Variants in DLGAP1 observed in about 807,000 individuals in gnomAD.
The protein encoded by DLGAP1 is disks large-associated protein 1.
Under a neutral mutation model 90.8 loss-of-function variants are expected in DLGAP1, and 11 were observed. That is an observed-to-expected ratio of 0.12 (90% CI 0.08 to 0.20). The LOEUF (loss-of-function observed/expected upper bound fraction) is 0.20. DLGAP1 is among the 10% of genes least tolerant of loss of function. The probability of loss-of-function intolerance (pLI) is 1.00; values close to 1 mark genes in which losing one functional copy is unlikely to be tolerated. For synonymous variants in DLGAP1, 558 were observed against 540.7 expected, an observed-to-expected ratio of 1.03 and a Z score of -0.44; for missense variants, 1,050 against 1,333.8, an observed-to-expected ratio of 0.79 and a Z score of 3.31.
At chr18:3,819,771 G>C (rs2067302926) in intron 4 of DLGAP1, among the ~76,000 whole-genome samples, 1 of 152,046 alleles carries the variant, frequency 6.6e-6, no homozygotes, top group African/African-American at 2.4e-5. Flanking sequence ...CCCCCTTCTA[G>C]CATATTCATA....
intron 5 of DLGAP1, among the ~76,000 whole-genome samples, chr18:3,746,677 A>G (rs2063281914): frequency 6.6e-6 from 1 of 152,206 alleles, no homozygotes; most frequent in South Asian, 2.1e-4. Flanking sequence ...AAATAAATAT[A>G]TAAATTCACA....
chr18:4,114,482 T>C (rs1216564160), intron 2 of DLGAP1, among the ~76,000 whole-genome samples: 1 of 152,184 alleles, frequency 6.6e-6, no homozygotes, highest in African/African-American at 2.4e-5. Context: ...TTCACTGAAG[T>C]TGTTTAACAG....
At chr18:3,940,448 C>G (rs564777272) in intron 3 of DLGAP1, among the ~76,000 whole-genome samples, 2 of 152,286 alleles carry the variant, frequency 1.3e-5, no homozygotes, top group South Asian at 2.1e-4. Context: ...TAAATGGACC[C>G]TATTTAAGTC....
At chr18:4,042,057 T>C (rs1226482380) in intron 2 of DLGAP1, among the ~76,000 whole-genome samples, 1 of 152,202 alleles carries the variant, frequency 6.6e-6, no homozygotes, top group African/African-American at 2.4e-5. Flanking sequence ...TTTCTAAGAA[T>C]TGTGTGTTCC....
chr18:4,159,674 A>G (rs1324902239), intron 1 of DLGAP1, among the ~76,000 whole-genome samples: 1 of 152,188 alleles, frequency 6.6e-6, no homozygotes, highest in Non-Finnish European at 1.5e-5. Flanking sequence ...GTAAAAAAAA[A>G]TGAAGTAATG....
intron 1 of DLGAP1, among the ~76,000 whole-genome samples, chr18:4,445,725 C>A (rs888445469): frequency 1.3e-5 from 2 of 151,786 alleles, no homozygotes; most frequent in African/African-American, 2.4e-5. Flanking sequence ...AGCTTAAAAT[C>A]TCAGAATATT....
intron 2 of DLGAP1, among the ~76,000 whole-genome samples, chr18:4,128,473 C>T (rs758766694): frequency 2.4e-4 from 36 of 152,132 alleles, no homozygotes; most frequent in Non-Finnish European, 3.8e-4. Flanking sequence ...GCTGATTCCA[C>T]ACGTGAAAAT....
Position 3,506,252 on chromosome 18 carries a change from G to A in DLGAP1, c.2571+2318C>T, listed in dbSNP as rs375306174. On this transcript the variant is annotated intron_variant, in intron 11 of 12. Coordinates refer to ENST00000315677, the MANE Select transcript of DLGAP1 (RefSeq NM_004746.4). The stretch of plus-strand genomic sequence containing the variant: ...AACTCGGCCGGGCATGGTGGCTCAC[G>A]CCTGTAATCCCAACACTTTCGGTGG... Among the ~76,000 whole-genome samples the A allele has an allele frequency of 1.4e-4, 20 of 146,404 alleles. 1 individual carries two copies. The East Asian group carries it at 4.0e-3, about 29-fold the overall frequency.
At chr18:3,833,636 G>T (rs764275072) in intron 4 of DLGAP1, among the ~76,000 whole-genome samples, 26 of 152,186 alleles carry the variant, frequency 1.7e-4, no homozygotes, top group Non-Finnish European at 3.1e-4. Flanking sequence ...TGGGTATCAT[G>T]AAATATTTAA....
At chr18:4,451,306 T>C (rs929074330) in intron 1 of DLGAP1, among the ~76,000 whole-genome samples, 3 of 152,092 alleles carry the variant, frequency 2.0e-5, no homozygotes, top group Non-Finnish European at 2.9e-5. Flanking sequence ...CATTTTTTTC[T>C]TGTTCTCAAT....
At chr18:3,615,229 T>G (rs12964324) in intron 7 of DLGAP1, among the ~76,000 whole-genome samples, 96,121 of 151,972 alleles carry the variant, frequency 0.63, 30,875 homozygotes, top group East Asian at 0.74. Context: ...GCAGACAAAA[T>G]AATTTTTAAA....
At chr18:3,752,127 G>A (rs541858129) in intron 5 of DLGAP1, among the ~76,000 whole-genome samples, 9 of 152,052 alleles carry the variant, frequency 5.9e-5, no homozygotes, top group African/African-American at 1.7e-4. Context: ...CAAGTAATCT[G>A]CCTGCCTTGG....
In DLGAP1 at chr18:3,804,234, C is replaced by T. The variant is rs185582701; in HGVS notation, c.1172+9825G>A. 3.3e-5 allele frequency among the ~76,000 whole-genome samples: 5 copies of T among 152,184 alleles called. No homozygotes were observed. The East Asian group carries it at 9.7e-4, about 29-fold the overall frequency. ...TCCTGGCCTCAAGTGATCTGCCTGCCCTGGCCTCCCAAAGTGCTGGGATTA... is the reference window on the plus strand; with the variant it reads ...TCCTGGCCTCAAGTGATCTGCCTGCTCTGGCCTCCCAAAGTGCTGGGATTA... On this transcript the variant is annotated intron_variant, in intron 5 of 12. Transcript: ENST00000315677.
intron 7 of DLGAP1, among the ~76,000 whole-genome samples, chr18:3,690,212 A>C (rs189104272): frequency 2.2e-4 from 33 of 149,566 alleles, no homozygotes; most frequent in African/African-American, 8.1e-4. Context: ...TCAGTCTTCC[A>C]AGTAGTTGGG....
chr18:3,663,599 C>T (rs1273307588), intron 7 of DLGAP1, among the ~76,000 whole-genome samples: 1 of 152,182 alleles, frequency 6.6e-6, no homozygotes, highest in Non-Finnish European at 1.5e-5. Flanking sequence ...TCTCTGGAAG[C>T]CCTGAACTGA....
chr18:4,071,148 G>A (rs923633038), intron 2 of DLGAP1, among the ~76,000 whole-genome samples: 2 of 151,908 alleles, frequency 1.3e-5, no homozygotes, highest in African/African-American at 4.8e-5. Context: ...CTATAACTAT[G>A]AAATAAATAT....
chr18:3,635,207 T>C (rs1036208178), intron 7 of DLGAP1, among the ~76,000 whole-genome samples: 2 of 151,364 alleles, frequency 1.3e-5, no homozygotes, highest in African/African-American at 4.9e-5. Context: ...CTCGGCTCAC[T>C]GCAAGCTCCG....
At chr18:4,272,859 A>G (rs569735162) in intron 1 of DLGAP1, among the ~76,000 whole-genome samples, 1 of 152,310 alleles carries the variant, frequency 6.6e-6, no homozygotes, top group African/African-American at 2.4e-5. Flanking sequence ...TGGCCCCTAC[A>G]TCCAACGACA....
intron 1 of DLGAP1, among the ~76,000 whole-genome samples, chr18:4,394,244 G>A (rs7242652): frequency 0.096 from 14,577 of 152,180 alleles, 1,015 homozygotes; most frequent in African/African-American, 0.2. Context: ...TCATTTACTA[G>A]ATGACACGGA....
Sources: gnomAD v4.1 joint callset for allele counts (sites outside exome capture counted in the v4.1 genomes callset) on GRCh38, gnomAD v4.1.1 for gene constraint, MANE v1.5 for transcripts, NCBI Gene and HGNC (gene_info 2026-07-23, HGNC 2026-07-21) for gene names.